Variants in EVI5L observed in about 807,000 individuals in gnomAD.
The protein encoded by EVI5L is ecotropic viral integration site 5 like.
In EVI5L, 30 loss-of-function variants were observed where a neutral mutation model predicts 106.1. That is an observed-to-expected ratio of 0.28 (90% CI 0.21 to 0.38). EVI5L has a LOEUF of 0.38. Ranked by LOEUF, EVI5L falls within the 10% of genes least tolerant of loss-of-function variation. The probability of loss-of-function intolerance (pLI) is 1.00; values close to 1 mark genes in which losing one functional copy is unlikely to be tolerated. For synonymous variants in EVI5L, 489 were observed against 483.3 expected (o/e 1.01, Z -0.15); for missense variants, 809 against 1,098.0 (o/e 0.74, Z 3.72).
chr19:7,851,611 G>A, intron 7 of EVI5L, 34 bp downstream of exon 7: 3 of 1,601,988 alleles, frequency 1.9e-6, no homozygotes, highest in Non-Finnish European at 2.6e-6. Flanking sequence ...AGGGAAGAGA[G>A]CCCCTTGGGG....
chr19:7,846,320 C>T (rs936916634), intron 1 of EVI5L, among the ~76,000 whole-genome samples, 176 bp from the exon 2 acceptor site: 3 of 152,122 alleles, frequency 2.0e-5, no homozygotes, highest in South Asian at 2.1e-4. Context: ...GCCAGGGTCT[C>T]GAACAGAAGG....
chr19:7,853,528 G>C, intron 10 of EVI5L, 195 bp downstream of exon 10: 1 of 697,074 alleles, frequency 1.4e-6, no homozygotes, highest in South Asian at 1.9e-5. Flanking sequence ...TCCCCCGCCT[G>C]ACGCCGCGGT....
rs1377902008 is a variant in EVI5L at position 7,856,473 on chromosome 19, C to T, written c.1200+405C>T. Reference sequence around the variant, plus strand: ...CCCTCAAAAGAAAGGAAAGGAAACCCAGTGGAGGAGAAGCGTGGCGCCATG... The same window carrying T: ...CCCTCAAAAGAAAGGAAAGGAAACCTAGTGGAGGAGAAGCGTGGCGCCATG... On this transcript the variant is annotated intron_variant, in intron 11 of 19. Transcript: ENST00000538904. The surrounding 1 kb of genome is among the most constrained non-coding windows in gnomAD (Gnocchi z 6.6). Among the ~76,000 whole-genome samples the T allele has an allele frequency of 6.6e-6, 1 of 152,062 alleles. No homozygotes were observed. Among genetic ancestry groups the T allele is most frequent in the African/African-American group, 2.4e-5 (1 of 41,382 alleles).
intron 10 of EVI5L, among the ~76,000 whole-genome samples, chr19:7,855,535 G>A (rs1418628928): frequency 2.6e-5 from 4 of 152,222 alleles, no homozygotes; most frequent in Non-Finnish European, 2.9e-5. Flanking sequence ...TGTAGTTGTC[G>A]AGAAAGGATG....
rs570229576 is a variant in EVI5L at position 7,857,431 on chromosome 19, A to G, written c.1233+307A>G. 5 of 555,970 alleles carry G rather than the reference A, an allele frequency of 9.0e-6. No individual in the cohort carries two copies. The East Asian group carries it at 1.5e-4, about 17-fold the overall frequency. 34.4% of individuals were successfully genotyped at this position (555,970 alleles called of 1,614,324 possible). On this transcript the variant is annotated intron_variant, in intron 12 of 19. Coordinates refer to ENST00000538904, the MANE Select transcript of EVI5L (RefSeq NM_001159944.3). This position sits in a 1 kb window ranked among gnomAD's most constrained non-coding sequence, Gnocchi z 4.5. ...ACCCAGGAGGGCTGGGGAACCTAAA[A>G]CCATATTCACATAAGGCCCTGGTGT...
intron 1 of EVI5L, among the ~76,000 whole-genome samples, chr19:7,843,532 G>A (rs1978798686): frequency 7.7e-6 from 1 of 130,238 alleles, no homozygotes; most frequent in East Asian, 2.5e-4. Flanking sequence ...AATAGGCATG[G>A]GTGTGTCGAG....
intron 17 of EVI5L, 45 bp downstream of exon 17, chr19:7,862,579 G>C (rs57122454): frequency 0.38 from 517,232 of 1,362,460 alleles, 102,629 homozygotes; most frequent in South Asian, 0.65. Flanking sequence ...ACCGCCCCCG[G>C]ACGCGCCCCT....
chr19:7,844,480 C>T (rs914682586), intron 1 of EVI5L, among the ~76,000 whole-genome samples: 10 of 152,228 alleles, frequency 6.6e-5, no homozygotes, highest in Non-Finnish European at 1.3e-4. Context: ...TCCAGCCTCA[C>T]CTCCACCACC....
intron 10 of EVI5L, among the ~76,000 whole-genome samples, chr19:7,855,114 CTTTTTTTTT>C (rs200195743): frequency 1.4e-4 from 18 of 132,638 alleles, no homozygotes; most frequent in African/African-American, 4.7e-4. Flanking sequence ...ATATCTTTTT[CTTTTTTTTT>C]TTTTTTTTTT....
chr19:7,862,137 G>T lies in EVI5L; in HGVS notation c.1660G>T (p.Gly554Cys). The change falls in exon 16 of 20, where the codon GGC becomes TGC. Residue 554 changes from glycine (G) to cysteine (C), a missense_variant. Physicochemically the swap from Gly to Cys is radical, Grantham distance 159. Transcript: ENST00000538904. ...SDTWQAHLARGGRWKESPRKL... is the reference protein window; with the variant it reads ...SDTWQAHLARCGRWKESPRKL... Reference sequence around the variant, plus strand: ...CACCCCCCAGGCCCATCTGGCCCGCGGCGGCCGCTGGAAGGAGTCCCCACG... The same window carrying T: ...CACCCCCCAGGCCCATCTGGCCCGCTGCGGCCGCTGGAAGGAGTCCCCACG... 1 of 1,570,444 alleles carries T rather than the reference G, an allele frequency of 6.4e-7. No individual in the cohort carries two copies. Among genetic ancestry groups the T allele is most frequent in the Non-Finnish European group, 8.6e-7 (1 of 1,163,230 alleles).
At position 7,863,133 on chromosome 19, in the gene EVI5L, G is replaced by C. The variant is rs1042011304; in HGVS notation, c.2044-52G>C. The stretch of plus-strand genomic sequence containing the variant: ...AGGGCCCGGGGCAGGAGCGGGGCCG[G>C]ACCCCAGGCCCAGCATGGCACTGGC... On this transcript the variant is annotated intron_variant, in intron 18 of 19. Coordinates refer to ENST00000538904, the MANE Select transcript of EVI5L (RefSeq NM_001159944.3). The surrounding 1 kb of genome is among the most constrained non-coding windows in gnomAD (Gnocchi z 7.7). 6.5e-7 allele frequency: 1 copy of C among 1,538,536 alleles called. No homozygotes were observed. Among genetic ancestry groups the C allele is most frequent in the Non-Finnish European group, 8.8e-7 (1 of 1,142,758 alleles).
intron 1 of EVI5L, among the ~76,000 whole-genome samples, chr19:7,832,997 T>C (rs1209813850): frequency 6.6e-6 from 1 of 152,134 alleles, no homozygotes; most frequent in Non-Finnish European, 1.5e-5. Context: ...AACTAAACTC[T>C]ACAGCCTCCC....
chr19:7,837,093 G>A (rs1978372060), intron 1 of EVI5L, among the ~76,000 whole-genome samples: 1 of 151,572 alleles, frequency 6.6e-6, no homozygotes, highest in Non-Finnish European at 1.5e-5. Context: ...CACTTTGGGA[G>A]GCTGAGGCGG....
At chr19:7,832,322 G>A (rs535967931) in intron 1 of EVI5L, among the ~76,000 whole-genome samples, 3 of 152,208 alleles carry the variant, frequency 2.0e-5, no homozygotes, top group Non-Finnish European at 4.4e-5. Flanking sequence ...CCAGTCCCGC[G>A]CAGCCTGGGC....
rs552284002 is a variant in EVI5L, at chr19:7,852,132, C to CTGG, written c.987+365_987+367dup. 2.8e-4 allele frequency among the ~76,000 whole-genome samples: 42 copies of CTGG among 152,348 alleles called. No homozygotes were observed. In the South Asian group the frequency reaches 8.7e-3, roughly 32 times the overall value. On this transcript the variant is annotated intron_variant, in intron 8 of 19. Coordinates refer to ENST00000538904, the MANE Select transcript of EVI5L (RefSeq NM_001159944.3). ...GGGCATCCCCACCCTGCCGCCCAGCCTGGTGAGGGCACAGGAGGGAGTTTG... is the reference window on the plus strand; with the variant it reads ...GGGCATCCCCACCCTGCCGCCCAGCCTGGTGGTGAGGGCACAGGAGGGAGTTTG...
intron 5 of EVI5L, 45 bp downstream of exon 5, chr19:7,849,375 A>G (rs201691231): frequency 1.1e-4 from 180 of 1,605,978 alleles, no homozygotes; most frequent in Non-Finnish European, 1.5e-4. Flanking sequence ...ACAACAGCCC[A>G]CCCTGGGCTC....
chr19:7,846,312 C>G (rs1020362542), intron 1 of EVI5L, among the ~76,000 whole-genome samples, 184 bp from the exon 2 acceptor site: 5 of 152,218 alleles, frequency 3.3e-5, no homozygotes, highest in African/African-American at 1.2e-4. Context: ...TCCCAATCGC[C>G]AGGGTCTCGA....
At chr19:7,861,674 T>C (rs1014849777) in intron 14 of EVI5L, among the ~76,000 whole-genome samples, 4 of 152,114 alleles carry the variant, frequency 2.6e-5, no homozygotes, top group Non-Finnish European at 5.9e-5. Context: ...GTGCTGTTAC[T>C]ACACCCATTT....
At position 7,848,467 on chromosome 19, in the gene EVI5L, T is replaced by G. The variant is rs1238850645; in HGVS notation, c.328-454T>G. 6.6e-6 allele frequency among the ~76,000 whole-genome samples: 1 copy of G among 151,730 alleles called. No individual in the cohort carries two copies. Among genetic ancestry groups the G allele is most frequent in the East Asian group, 1.9e-4 (1 of 5,160 alleles). ...CAAAAATTAGCTGGGCGTGGTGGCG[T>G]GCACCTGTAATCCCAGCTACTTGGG... On this transcript the variant is annotated intron_variant, in intron 3 of 19. Transcript: ENST00000538904. The surrounding 1 kb of genome is among the most constrained non-coding windows in gnomAD (Gnocchi z 4.8).
Sources: gnomAD v4.1 joint callset for allele counts (sites outside exome capture counted in the v4.1 genomes callset) on GRCh38, gnomAD v4.1.1 for gene constraint, Gnocchi (gnomAD v3.1) non-coding constraint, MANE v1.5 for transcripts, NCBI Gene and HGNC (gene_info 2026-07-23, HGNC 2026-07-21) for gene names.